The following NPAS3 variants were observed in gnomAD, a reference collection of about 807,000 sequenced individuals.
NPAS3 encodes the protein neuronal PAS domain-containing protein 3.
Under a neutral mutation model 73.1 loss-of-function variants are expected in NPAS3, and 14 were observed. The observed-to-expected ratio is 0.19, with a 90% confidence interval of 0.13 to 0.30. The LOEUF (loss-of-function observed/expected upper bound fraction) is 0.30, where lower values mean the gene tolerates loss of function less well. Among genes scored for constraint, NPAS3 ranks in the 10% least tolerant of loss-of-function variants. NPAS3 has a pLI of 1.00. For synonymous variants in NPAS3, 620 were observed against 541.5 expected (o/e 1.14, Z -2.01); for missense variants, 1,096 against 1,250.0 (o/e 0.88, Z 1.86).
intron 1 of NPAS3, among the ~76,000 whole-genome samples, chr14:32,946,128 G>A (rs754453450): frequency 2.2e-4 from 33 of 152,108 alleles, no homozygotes; most frequent in Non-Finnish European, 4.4e-4. Flanking sequence ...TTTGAAATTT[G>A]TAAGGATTTG....
chr14:33,256,332 CTTTT>C (rs1441767857), intron 3 of NPAS3, among the ~76,000 whole-genome samples: 1 of 152,064 alleles, frequency 6.6e-6, no homozygotes, highest in Non-Finnish European at 1.5e-5. Flanking sequence ...TTCTTTCTTT[CTTTT>C]GAGGGAGAGC....
At chr14:33,643,470 G>A (rs1355362625) in intron 5 of NPAS3, among the ~76,000 whole-genome samples, 1 of 150,276 alleles carries the variant, frequency 6.7e-6, no homozygotes, top group Non-Finnish European at 1.5e-5. Context: ...AGGATTAGAA[G>A]TTATTCGGAT....
chr14:33,443,832 C>A (rs997040930), intron 4 of NPAS3, among the ~76,000 whole-genome samples: 4 of 152,142 alleles, frequency 2.6e-5, no homozygotes, highest in Admixed American at 2.6e-4. Flanking sequence ...CTCTGGTCAC[C>A]AGCTGGAGCC....
At chr14:33,732,956 G>C (rs1391708029) in intron 6 of NPAS3, among the ~76,000 whole-genome samples, 1 of 152,152 alleles carries the variant, frequency 6.6e-6, no homozygotes, top group Non-Finnish European at 1.5e-5. Flanking sequence ...TCTCCATATA[G>C]AAAACAATGA....
chr14:33,240,546 C>T (rs1272991565), intron 3 of NPAS3, among the ~76,000 whole-genome samples: 2 of 150,416 alleles, frequency 1.3e-5, no homozygotes, highest in Non-Finnish European at 2.9e-5. Flanking sequence ...TTTACTGTAA[C>T]ATATATTATT....
chr14:33,784,745 A>ATTTATTTT (rs1471526546), intron 9 of NPAS3, among the ~76,000 whole-genome samples: 26 of 73,852 alleles, frequency 3.5e-4, no homozygotes, highest in African/African-American at 1.6e-3. Flanking sequence ...TTATTTATTT[A>ATTTATTTT]TTTTTTTTTT....
intron 5 of NPAS3, among the ~76,000 whole-genome samples, chr14:33,594,757 T>C (rs1453600172): frequency 6.6e-6 from 1 of 152,210 alleles, no homozygotes; most frequent in African/African-American, 2.4e-5. Context: ...TCAGCCTAGA[T>C]GTAACCTCTT....
chr14:33,701,299 AC>A (rs1221519405), intron 6 of NPAS3, among the ~76,000 whole-genome samples: 2 of 152,234 alleles, frequency 1.3e-5, no homozygotes, highest in Non-Finnish European at 1.5e-5. Context: ...GAAATGCATA[AC>A]TTTGCCTGAT....
intron 2 of NPAS3, among the ~76,000 whole-genome samples, chr14:33,195,223 C>T (rs1200051564): frequency 3.3e-5 from 5 of 151,458 alleles, no homozygotes; most frequent in African/African-American, 1.2e-4. Context: ...CCTCTCCCAC[C>T]CACTAGCTAA....
chr14:33,126,036 G>C (rs1362602576), intron 2 of NPAS3, among the ~76,000 whole-genome samples: 1 of 152,304 alleles, frequency 6.6e-6, no homozygotes, highest in South Asian at 2.1e-4. Flanking sequence ...TTAGCCTTCA[G>C]CTGTGTGAAT....
intron 5 of NPAS3, among the ~76,000 whole-genome samples, chr14:33,568,136 T>C (rs373805693): frequency 6.6e-6 from 1 of 152,196 alleles, no homozygotes; most frequent in East Asian, 1.9e-4. Context: ...AAAAATACTT[T>C]GTAAGGAGCT....
intron 1 of NPAS3, among the ~76,000 whole-genome samples, chr14:32,978,431 C>G (rs1480903896): frequency 6.6e-6 from 1 of 152,194 alleles, no homozygotes; most frequent in Non-Finnish European, 1.5e-5. Context: ...CTCCAGAGTT[C>G]TGCAAAATGG....
chr14:33,164,701 G>T (rs528455387), intron 2 of NPAS3, among the ~76,000 whole-genome samples: 3 of 152,064 alleles, frequency 2.0e-5, no homozygotes, highest in Non-Finnish European at 2.9e-5. Context: ...AATTTCTTTC[G>T]TATTCCTGTT....
intron 3 of NPAS3, among the ~76,000 whole-genome samples, chr14:33,310,147 C>T (rs951859745): frequency 3.3e-5 from 5 of 152,148 alleles, no homozygotes; most frequent in African/African-American, 4.8e-5. Flanking sequence ...TCCATGTGTA[C>T]ACACACGTCT....
chr14:33,439,205 T>C (rs1164257177), intron 4 of NPAS3, among the ~76,000 whole-genome samples: 2 of 152,202 alleles, frequency 1.3e-5, no homozygotes, highest in African/African-American at 2.4e-5. Flanking sequence ...TTATTCTACA[T>C]GGTGGATTAG....
chr14:33,322,286 TC>T (rs2043485338), intron 3 of NPAS3, among the ~76,000 whole-genome samples: 1 of 152,212 alleles, frequency 6.6e-6, no homozygotes, highest in African/African-American at 2.4e-5. Context: ...TCCGTCAGTA[TC>T]CCTTGGTTAA....
At position 33,784,748 on chromosome 14, in the gene NPAS3, T is replaced by TATTTATTTATTTA. The variant is rs58424536; in HGVS notation, c.1153+6176_1153+6177insATTTATTTATTTA. ...TTATTTATTTATTTATTTATTTATT[T>TATTTATTTATTTA]TTTTTTTTTTTTTTTTTTTGAGACA... On this transcript the variant is annotated intron_variant, in intron 9 of 11. Coordinates refer to ENST00000356141, the Ensembl canonical transcript of NPAS3. Among the ~76,000 whole-genome samples the TATTTATTTATTTA allele has an allele frequency of 8.9e-3, 959 of 107,204 alleles. 8 individuals carry two copies. The highest frequency in any genetic ancestry group is 0.013 in the Middle Eastern group (3 of 228). 70.3% of individuals were successfully genotyped at this position (107,204 alleles called of 152,430 possible).
intron 4 of NPAS3, among the ~76,000 whole-genome samples, chr14:33,489,469 T>C (rs1280705102): frequency 1.3e-5 from 2 of 152,130 alleles, no homozygotes; most frequent in Non-Finnish European, 2.9e-5. Flanking sequence ...AAAAAAGTTA[T>C]GCAATAAGAA....
At chr14:33,409,582 C>T (rs1239286564) in intron 4 of NPAS3, among the ~76,000 whole-genome samples, 1 of 152,076 alleles carries the variant, frequency 6.6e-6, no homozygotes, top group Non-Finnish European at 1.5e-5. Flanking sequence ...TTTCCCTGCC[C>T]TCTTTTAAAA....
Sources: allele counts gnomAD v4.1 joint callset (sites outside exome capture counted in the v4.1 genomes callset), GRCh38; gene constraint gnomAD v4.1.1; transcripts MANE v1.5; gene names NCBI Gene and HGNC (gene_info 2026-07-23, HGNC 2026-07-21).